Variants in HIVEP2 observed in about 807,000 individuals in gnomAD.
HIVEP2 encodes HIVEP zinc finger 2.
HIVEP2 carries 14 observed loss-of-function variants against 180.7 expected under a neutral mutation model. The observed-to-expected ratio is 0.08, with a 90% CI of 0.05 to 0.12. The LOEUF is 0.12. Ranked by LOEUF, HIVEP2 falls within the 10% of genes least tolerant of loss-of-function variation. The pLI is 1.00. For synonymous variants in HIVEP2, 1,184 were observed against 1,136.4 expected, an observed-to-expected ratio of 1.04 and a Z score of -0.84; for missense variants, 2,579 against 3,008.5, an observed-to-expected ratio of 0.86 and a Z score of 3.34.
chr6:142,928,683 C>T (rs1777871009), intron 1 of HIVEP2, among the ~76,000 whole-genome samples: 1 of 152,186 alleles, frequency 6.6e-6, no homozygotes, highest in Admixed American at 6.5e-5. Context: ...TTGCTATTTG[C>T]TTCACATATA....
chr6:142,840,950 T>C (rs914271499), intron 1 of HIVEP2, among the ~76,000 whole-genome samples: 3 of 152,086 alleles, frequency 2.0e-5, no homozygotes, highest in African/African-American at 7.2e-5. Flanking sequence ...TGTAATATGA[T>C]ATTTAAGGGT....
chr6:142,835,213 C>CA (rs528723627), intron 2 of HIVEP2, among the ~76,000 whole-genome samples: 96 of 152,232 alleles, frequency 6.3e-4, no homozygotes, highest in African/African-American at 2.1e-3. Flanking sequence ...TTATTTAATG[C>CA]AAAACAATTG....
intron 1 of HIVEP2, among the ~76,000 whole-genome samples, chr6:142,842,478 A>G (rs994249887): frequency 3.3e-5 from 5 of 152,194 alleles, no homozygotes; most frequent in African/African-American, 1.2e-4. Flanking sequence ...GGAAGAAAAA[A>G]AAGACCTGAA....
intron 1 of HIVEP2, among the ~76,000 whole-genome samples, chr6:142,845,493 T>G (rs1204471617): frequency 6.6e-6 from 1 of 152,308 alleles, no homozygotes; most frequent in South Asian, 2.1e-4. Flanking sequence ...TTTTTTCTCC[T>G]TGGTACCTAT....
rs1775569658 is a variant in HIVEP2, at chr6:142,772,358, G to A, written c.2381C>T (p.Pro794Leu). ...AATCACAGAAATCACATTTCCAGGA[G>A]GTTTCCTGCCCCCTAGGTCTGACAT... Reference protein sequence around the residue: ...DKMSDLGGRKPPGNVISVIQH... With the variant: ...DKMSDLGGRKLPGNVISVIQH... Residue 794 changes from proline to leucine, a missense_variant, in exon 5 of 10, where the codon CCT becomes CTT. Pro to Leu is a moderately conservative substitution (Grantham distance 98). Transcript: ENST00000367603. This position sits in a 1 kb window ranked among gnomAD's most constrained non-coding sequence, Gnocchi z 4.9. 1.2e-6 allele frequency: 2 copies of A among 1,614,222 alleles called. No homozygotes were observed. The highest frequency in any genetic ancestry group is 1.3e-5 in the African/African-American group (1 of 75,050).
chr6:142,792,222 T>A (rs952302520), intron 2 of HIVEP2, among the ~76,000 whole-genome samples: 1 of 152,112 alleles, frequency 6.6e-6, no homozygotes, highest in African/African-American at 2.4e-5. Context: ...TCCCATTTCT[T>A]TCCATCCCTT....
intron 2 of HIVEP2, among the ~76,000 whole-genome samples, chr6:142,826,544 A>G (rs1346485487): frequency 6.6e-6 from 1 of 152,234 alleles, no homozygotes; most frequent in African/African-American, 2.4e-5. Context: ...AAAGGAGAAA[A>G]TCAGTCTAAT....
In HIVEP2 at chr6:142,755,839, C is replaced by T. The variant is rs138422487; in HGVS notation, c.6517-1908G>A. Reference sequence around the variant, plus strand: ...AAGTAGAATTTCTACCATGTGGCCACTTCCACTGCTCCAAGCCCCACCAGG... The same window carrying T: ...AAGTAGAATTTCTACCATGTGGCCATTTCCACTGCTCCAAGCCCCACCAGG... On this transcript the variant is annotated intron_variant, in intron 9 of 9. Coordinates refer to ENST00000367603, the MANE Select transcript of HIVEP2 (RefSeq NM_006734.4). Among the ~76,000 whole-genome samples, 348 of 152,336 alleles carry T rather than the reference C, an allele frequency of 2.3e-3. 5 individuals carry two copies. Among genetic ancestry groups the T allele is most frequent in the East Asian group, 0.019 (98 of 5,188 alleles).
intron 1 of HIVEP2, among the ~76,000 whole-genome samples, chr6:142,936,029 T>C (rs1418349506): frequency 3.3e-5 from 5 of 151,740 alleles, no homozygotes; most frequent in Non-Finnish European, 7.4e-5. Context: ...GGGAGATCAT[T>C]TGAGCCCAGG....
At chr6:142,861,945 A>C (rs1775988751) in intron 1 of HIVEP2, among the ~76,000 whole-genome samples, 1 of 152,176 alleles carries the variant, frequency 6.6e-6, no homozygotes, top group South Asian at 2.1e-4. Flanking sequence ...AAATAGCTTG[A>C]GGGCTACTGA....
intron 1 of HIVEP2, among the ~76,000 whole-genome samples, chr6:142,858,337 TC>T (rs1775881053): frequency 6.6e-6 from 1 of 151,312 alleles, no homozygotes; most frequent in Non-Finnish European, 1.5e-5. Context: ...AGATCCCCCC[TC>T]TCCCCTACCT....
chr6:142,755,552 C>T (rs777477633), intron 9 of HIVEP2, among the ~76,000 whole-genome samples: 24 of 152,122 alleles, frequency 1.6e-4, no homozygotes, highest in Non-Finnish European at 2.6e-4. Flanking sequence ...ATTCCATGAC[C>T]TCCATTGCAT....
rs1235782863 is a variant in HIVEP2, at chr6:142,858,608, T to G, written c.-640-21561A>C. 2.0e-5 allele frequency among the ~76,000 whole-genome samples: 3 copies of G among 152,154 alleles called. No homozygotes were observed. In the East Asian group the frequency reaches 5.8e-4, roughly 29 times the overall value. ...TTTTTTAATTAAATAAATTTTTTTTTGAGATGGAGTTTCACTCTCGTTGCC... is the reference window on the plus strand; with the variant it reads ...TTTTTTAATTAAATAAATTTTTTTTGGAGATGGAGTTTCACTCTCGTTGCC... On this transcript the variant is annotated intron_variant, in intron 1 of 9. Transcript: ENST00000367603.
intron 2 of HIVEP2, among the ~76,000 whole-genome samples, chr6:142,806,984 T>G (rs1209799097): frequency 6.6e-6 from 1 of 152,142 alleles, no homozygotes. Context: ...TGGATTATTC[T>G]GAGGAGGAAA....
chr6:142,933,500 C>T (rs183277238), intron 1 of HIVEP2, among the ~76,000 whole-genome samples: 54 of 152,158 alleles, frequency 3.5e-4, no homozygotes, highest in African/African-American at 1.2e-3. Flanking sequence ...ATCCTACAGC[C>T]GACAAGAATA....
intron 1 of HIVEP2, among the ~76,000 whole-genome samples, chr6:142,859,460 CAAA>C (rs142594662): frequency 8.4e-6 from 1 of 118,862 alleles, no homozygotes; most frequent in Non-Finnish European, 1.8e-5. Context: ...GACCCAGTCT[CAAA>C]AAAAAAAAAA....
intron 2 of HIVEP2, among the ~76,000 whole-genome samples, chr6:142,835,153 A>T (rs1251467730): frequency 1.3e-5 from 2 of 152,180 alleles, no homozygotes; most frequent in Non-Finnish European, 2.9e-5. Flanking sequence ...AACTCCTAGT[A>T]CCTGCCAGGT....
chr6:142,816,933 C>G (rs1222379511), intron 2 of HIVEP2, among the ~76,000 whole-genome samples: 1 of 152,100 alleles, frequency 6.6e-6, no homozygotes, highest in African/African-American at 2.4e-5. Context: ...CGCTATCTCT[C>G]TCTCTCAAAG....
chr6:142,754,112 A>G (rs1775001577), intron 9 of HIVEP2, among the ~76,000 whole-genome samples, 181 bp from the exon 10 acceptor site: 2 of 152,232 alleles, frequency 1.3e-5, no homozygotes, highest in African/African-American at 4.8e-5. Context: ...GTTCTCTTTT[A>G]TAATCCTTGA....
Sources: gnomAD v4.1 joint callset for allele counts (sites outside exome capture counted in the v4.1 genomes callset) on GRCh38, gnomAD v4.1.1 for gene constraint, Gnocchi (gnomAD v3.1) non-coding constraint, MANE v1.5 for transcripts, NCBI Gene and HGNC (gene_info 2026-07-23, HGNC 2026-07-21) for gene names.